Variants in RORB observed in about 807,000 individuals in gnomAD.
RORB encodes RAR related orphan receptor B.
Under a neutral mutation model 59.1 loss-of-function variants are expected in RORB, and 6 were observed. That is an observed-to-expected ratio of 0.10 (90% confidence interval 0.06 to 0.20). The LOEUF (loss-of-function observed/expected upper bound fraction) is 0.20. Among genes scored for constraint, RORB ranks in the 10% least tolerant of loss-of-function variants. RORB has a pLI of 1.00. For missense variants in RORB, 320 were observed against 560.5 expected (o/e 0.57, Z 4.33); for synonymous variants, 215 against 204.5 (o/e 1.05, Z -0.44).
At chr9:74,680,587 G>A (rs762706535) in intron 9 of RORB, among the ~76,000 whole-genome samples, 1 of 152,106 alleles carries the variant, frequency 6.6e-6, no homozygotes, top group Non-Finnish European at 1.5e-5. Context: ...GTGGGGGCAG[G>A]GCTTATGACC....
intron 1 of RORB, among the ~76,000 whole-genome samples, chr9:74,579,718 A>G (rs183059945): frequency 5.9e-5 from 9 of 152,300 alleles, no homozygotes; most frequent in Non-Finnish European, 8.8e-5. Flanking sequence ...CAGCAATACG[A>G]AATGGAAAAT....
intron 1 of RORB, among the ~76,000 whole-genome samples, chr9:74,593,301 T>G (rs1822926886): frequency 6.6e-6 from 1 of 151,934 alleles, no homozygotes; most frequent in South Asian, 2.1e-4. Context: ...ACCCTGTCTC[T>G]ACTAAAAATA....
At position 74,671,887 on chromosome 9, in the gene RORB, G is replaced by C; in HGVS notation, c.1210G>C (p.Glu404Gln). The C allele has an allele frequency of 6.2e-7, 1 of 1,606,168 alleles. No homozygotes were observed. The change falls in exon 9 of 10, where the codon GAG (glutamate) becomes CAG (glutamine). Residue 404 changes from glutamate (E) to glutamine (Q), a missense_variant. This residue lies in a region of RORB where 109 missense variants were observed against 171.0 expected (regional missense o/e 0.64). Transcript: ENST00000376896. The part of the protein sequence containing the change: ...HVIQKNHLDD[E>Q]TLAKLIAKIP... The stretch of plus-strand genomic sequence containing the variant: ...GATTCAGAAGAATCACCTGGATGAT[G>C]AGACCTTGGCAAAGGTAGGTCCACA...
intron 1 of RORB, 71 bp downstream of exon 1, chr9:74,498,054 G>T: frequency 6.4e-7 from 1 of 1,556,516 alleles, no homozygotes; most frequent in Non-Finnish European, 8.7e-7. Context: ...GATGGGGGAG[G>T]GGAGGGCACC....
chr9:74,535,963 T>C (rs1826316981), intron 1 of RORB, among the ~76,000 whole-genome samples: 1 of 152,000 alleles, frequency 6.6e-6, no homozygotes, highest in Non-Finnish European at 1.5e-5. Context: ...TAGGTCCTGG[T>C]CTTAGGACAC....
chr9:74,499,155 CA>C (rs1825768179), intron 1 of RORB: 1 of 152,764 alleles, frequency 6.5e-6, no homozygotes, highest in Non-Finnish European at 1.5e-5. Context: ...CTATCCTTCG[CA>C]CGTACCCCTG....
At chr9:74,551,731 T>C (rs1366649191) in intron 1 of RORB, among the ~76,000 whole-genome samples, 1 of 152,174 alleles carries the variant, frequency 6.6e-6, no homozygotes, top group Non-Finnish European at 1.5e-5. Flanking sequence ...TTTTTCATAG[T>C]GTACATGGAA....
chr9:74,632,641 C>T (rs1823638268), intron 2 of RORB, among the ~76,000 whole-genome samples: 1 of 152,118 alleles, frequency 6.6e-6, no homozygotes, highest in African/African-American at 2.4e-5. Flanking sequence ...TAATTAATGT[C>T]AAATTGGTCT....
rs367876371 is a variant in RORB, at chr9:74,497,604, ATCT to A, written c.-369_-367del. 8.3e-4 allele frequency: 245 copies of A among 296,444 alleles called. 1 individual carries two copies. The East Asian group carries it at 0.014, about 17-fold the overall frequency. The allele number at this position is 296,444 out of a possible 1,614,324, so 18.4% of individuals were successfully genotyped here. ...CTCAGTCCAAGTGATCACAAAAGAA[ATCT>A]TCTGAGCCGGAGGCGGTGGCATTTT... On this transcript the variant is annotated 5_prime_UTR_variant, in exon 1 of 10. Coordinates refer to ENST00000376896, the MANE Select transcript of RORB (RefSeq NM_006914.4).
intron 1 of RORB, among the ~76,000 whole-genome samples, chr9:74,600,382 G>A (rs185694944): frequency 6.6e-6 from 1 of 152,306 alleles, no homozygotes; most frequent in East Asian, 1.9e-4. Flanking sequence ...TATAGGTGAA[G>A]GTCATGTTCA....
intron 1 of RORB, among the ~76,000 whole-genome samples, chr9:74,603,592 C>T (rs756046651): frequency 6.6e-5 from 10 of 152,142 alleles, no homozygotes; most frequent in Admixed American, 1.3e-4. Context: ...TATCTCAGGT[C>T]TTATAATACA....
intron 1 of RORB, among the ~76,000 whole-genome samples, chr9:74,560,402 G>T (rs979302855): frequency 6.6e-6 from 1 of 152,174 alleles, no homozygotes; most frequent in Non-Finnish European, 1.5e-5. Flanking sequence ...TCCACATAAA[G>T]TGTATTAAAG....
chr9:74,674,180 C>T (rs1824395578), intron 9 of RORB, among the ~76,000 whole-genome samples: 1 of 152,176 alleles, frequency 6.6e-6, no homozygotes, highest in Non-Finnish European at 1.5e-5. Flanking sequence ...GTGAGAGAAA[C>T]TGTTTCATCC....
intron 9 of RORB, among the ~76,000 whole-genome samples, chr9:74,676,196 G>C (rs1191760914): frequency 6.6e-6 from 1 of 152,156 alleles, no homozygotes; most frequent in Admixed American, 6.5e-5. Context: ...CTTGCTTAAT[G>C]TTGGCCTTCC....
At chr9:74,625,077 G>T (rs959853958) in intron 1 of RORB, among the ~76,000 whole-genome samples, 63 of 152,038 alleles carry the variant, frequency 4.1e-4, no homozygotes, top group African/African-American at 1.5e-3. Context: ...TACAAGTATA[G>T]CCCCAAACCA....
At chr9:74,561,270 G>A (rs1276335555) in intron 1 of RORB, among the ~76,000 whole-genome samples, 1 of 151,988 alleles carries the variant, frequency 6.6e-6, no homozygotes, top group Non-Finnish European at 1.5e-5. Context: ...TCTGGTTCTT[G>A]TTCTAAATGT....
chr9:74,621,014 C>G (rs1823405354), intron 1 of RORB, among the ~76,000 whole-genome samples: 1 of 152,142 alleles, frequency 6.6e-6, no homozygotes, highest in African/African-American at 2.4e-5. Context: ...AATAATTGAG[C>G]AAATAGTACA....
chr9:74,640,760 A>G (rs907822436), intron 3 of RORB, among the ~76,000 whole-genome samples: 2 of 152,272 alleles, frequency 1.3e-5, no homozygotes, highest in Admixed American at 6.5e-5. Flanking sequence ...TCACCTGCAC[A>G]TACCTGCCAG....
At chr9:74,585,970 G>A (rs10781239) in intron 1 of RORB, among the ~76,000 whole-genome samples, 144,583 of 150,940 alleles carry the variant, frequency 0.96, 69,556 homozygotes, top group East Asian at 1. Context: ...AATTTTTTGT[G>A]TTTTTAGTAG....
Sources: gnomAD v4.1 joint callset for allele counts (sites outside exome capture counted in the v4.1 genomes callset) on GRCh38, gnomAD v4.1.1 for gene constraint, gnomAD v4.1.1 regional missense constraint, MANE v1.5 for transcripts, NCBI Gene and HGNC (gene_info 2026-07-23, HGNC 2026-07-21) for gene names.